The following PDE4D variants were observed in gnomAD, a reference collection of about 807,000 sequenced individuals.
PDE4D encodes 3',5'-cyclic-AMP phosphodiesterase 4D.
PDE4D carries 24 observed loss-of-function variants against 87.4 expected under a neutral mutation model. The ratio of observed to expected loss-of-function variants is 0.27; its 90% CI spans 0.20 to 0.39. The LOEUF (loss-of-function observed/expected upper bound fraction) is 0.39, where lower values mean the gene tolerates loss of function less well. Ranked by LOEUF, PDE4D falls within the 10% of genes least tolerant of loss-of-function variation. The pLI, the probability that PDE4D is intolerant of heterozygous loss-of-function variation, is 1.00. For missense variants in PDE4D, 714 were observed against 1,041.0 expected (o/e 0.69, Z 4.32); for synonymous variants, 384 against 383.2 (o/e 1.00, Z -0.02).
chr5:59,276,373 CCAT>C (rs1165657589), intron 1 of PDE4D, among the ~76,000 whole-genome samples: 1 of 152,036 alleles, frequency 6.6e-6, no homozygotes, highest in Non-Finnish European at 1.5e-5. Context: ...TGTTTATTTA[CCAT>C]AATAAACAAA....
At chr5:59,072,302 GA>G (rs1379035940) in intron 5 of PDE4D, among the ~76,000 whole-genome samples, 2 of 152,112 alleles carry the variant, frequency 1.3e-5, no homozygotes, top group Admixed American at 6.5e-5. Flanking sequence ...CTGACTAGGG[GA>G]AGAAGGTTGG....
At chr5:59,305,183 A>C (rs1301436075) in intron 1 of PDE4D, among the ~76,000 whole-genome samples, 1 of 152,126 alleles carries the variant, frequency 6.6e-6, no homozygotes, top group Admixed American at 6.6e-5. Flanking sequence ...ATGTGCATAA[A>C]GGTGTTCATA....
Position 60,506,775 on chromosome 5 carries a change from G to A in PDE4D, n.70+15276C>T, listed in dbSNP as rs139346601. On this transcript the variant is annotated intron_variant and non_coding_transcript_variant, in intron 1 of 2. Coordinates refer to the PDE4D transcript ENST00000506510. Reference sequence around the variant, plus strand: ...TTAACTTTCAGCCAAAATGAATGATGAGACATTTTAAAATGTAGAAACTAA... The same window carrying A: ...TTAACTTTCAGCCAAAATGAATGATAAGACATTTTAAAATGTAGAAACTAA... Among the ~76,000 whole-genome samples the A allele has an allele frequency of 7.9e-4, 121 of 152,222 alleles. 1 individual carries two copies. The highest frequency in any genetic ancestry group is 2.8e-3 in the African/African-American group (117 of 41,558).
intron 1 of PDE4D, among the ~76,000 whole-genome samples, chr5:60,205,771 G>A (rs1177561326): frequency 2.6e-5 from 4 of 151,898 alleles, no homozygotes; most frequent in Non-Finnish European, 5.9e-5. Context: ...ATGTGTGCCT[G>A]TAGTACTCGG....
At chr5:60,163,311 G>C (rs939641909) in intron 2 of PDE4D, among the ~76,000 whole-genome samples, 9 of 151,776 alleles carry the variant, frequency 5.9e-5, no homozygotes, top group African/African-American at 2.2e-4. Context: ...TTCATCTCTT[G>C]AGAAAGTTAT....
chr5:59,442,952 C>T (rs1430064621), intron 1 of PDE4D, among the ~76,000 whole-genome samples: 1 of 152,198 alleles, frequency 6.6e-6, no homozygotes, highest in Non-Finnish European at 1.5e-5. Context: ...CACTATACAA[C>T]ATTAAAAAGT....
At chr5:59,147,393 A>AT (rs1209008556) in intron 5 of PDE4D, among the ~76,000 whole-genome samples, 4 of 152,218 alleles carry the variant, frequency 2.6e-5, no homozygotes, top group East Asian at 1.9e-4. Flanking sequence ...AAATTGGAAG[A>AT]TTTTTTTTAA....
At chr5:59,230,653 T>C (rs1293920769) in intron 1 of PDE4D, among the ~76,000 whole-genome samples, 1 of 152,226 alleles carries the variant, frequency 6.6e-6, no homozygotes, top group Non-Finnish European at 1.5e-5. Context: ...ATTCTGATTC[T>C]TTTAGACTAA....
chr5:59,944,908 A>G (rs1304675167), intron 3 of PDE4D, among the ~76,000 whole-genome samples: 1 of 152,178 alleles, frequency 6.6e-6, no homozygotes, highest in Admixed American at 6.5e-5. Flanking sequence ...CGCAGAATTT[A>G]AACTCTGATG....
intron 3 of PDE4D, among the ~76,000 whole-genome samples, chr5:59,948,894 G>T (rs2152803168): frequency 6.6e-6 from 1 of 152,246 alleles, no homozygotes; most frequent in Admixed American, 6.5e-5. Context: ...GGCCCCAACT[G>T]GTCACCTACT....
intron 1 of PDE4D, among the ~76,000 whole-genome samples, chr5:60,420,208 C>T (rs1429901183): frequency 6.6e-6 from 1 of 152,182 alleles, no homozygotes; most frequent in Admixed American, 6.5e-5. Flanking sequence ...TACTTTGACA[C>T]CCCTGGGATC....
chr5:60,468,139 T>TTTTTTGTTTTTTTTTTG (rs1554040613), intron 1 of PDE4D, among the ~76,000 whole-genome samples: 1 of 145,444 alleles, frequency 6.9e-6, no homozygotes, highest in African/African-American at 2.7e-5. Flanking sequence ...TCTTTTTTCT[T>TTTTTTGTTTTTTTTTTG]TTTTTTTTGT....
intron 2 of PDE4D, among the ~76,000 whole-genome samples, chr5:59,213,945 C>T (rs919092238): frequency 6.6e-6 from 1 of 151,646 alleles, no homozygotes; most frequent in African/African-American, 2.4e-5. Flanking sequence ...ACGTACATCA[C>T]CATGTACGTA....
intron 1 of PDE4D, among the ~76,000 whole-genome samples, chr5:59,861,695 G>A (rs1561781544): frequency 6.6e-6 from 1 of 152,160 alleles, no homozygotes; most frequent in Non-Finnish European, 1.5e-5. Flanking sequence ...ACTTCACCCT[G>A]TGAAAACACA....
intron 1 of PDE4D, among the ~76,000 whole-genome samples, chr5:59,497,055 T>C (rs1303294864): frequency 6.6e-6 from 1 of 152,040 alleles, no homozygotes; most frequent in African/African-American, 2.4e-5. Context: ...CACAAACTTA[T>C]CTGCAACCAA....
intron 1 of PDE4D, among the ~76,000 whole-genome samples, chr5:59,757,676 C>T (rs1761444818): frequency 6.6e-6 from 1 of 152,168 alleles, no homozygotes; most frequent in South Asian, 2.1e-4. Flanking sequence ...CCATCATTCC[C>T]AGCTGGCTCT....
At chr5:59,747,724 C>G (rs1375001074) in intron 1 of PDE4D, among the ~76,000 whole-genome samples, 1 of 152,148 alleles carries the variant, frequency 6.6e-6, no homozygotes, top group African/African-American at 2.4e-5. Flanking sequence ...ACCTCCTATA[C>G]TCTCAGACTG....
chr5:59,365,156 T>C (rs1173872114), intron 1 of PDE4D, among the ~76,000 whole-genome samples: 1 of 151,908 alleles, frequency 6.6e-6, no homozygotes, highest in Non-Finnish European at 1.5e-5. Context: ...TAAGAAAAAA[T>C]GTATATAATT....
At chr5:60,220,105 TG>T in intron 1 of PDE4D, among the ~76,000 whole-genome samples, 1 of 152,098 alleles carries the variant, frequency 6.6e-6, no homozygotes, top group East Asian at 1.9e-4. Context: ...GCCTATGTCC[TG>T]GGGGTGTGGA....
Sources: allele counts gnomAD v4.1 joint callset (sites outside exome capture counted in the v4.1 genomes callset), GRCh38; gene constraint gnomAD v4.1.1; transcripts MANE v1.5; gene names NCBI Gene and HGNC (gene_info 2026-07-23, HGNC 2026-07-21).